The following MGAT4C variants were observed in gnomAD, a reference collection of about 807,000 sequenced individuals.
The protein encoded by MGAT4C is MGAT4 family member C.
In MGAT4C, 19 loss-of-function variants were observed where a neutral mutation model predicts 40.1. The observed-to-expected ratio is 0.47, with a 90% confidence interval of 0.33 to 0.70. MGAT4C has a LOEUF of 0.70. Among genes scored for constraint, MGAT4C ranks in the 30% least tolerant of loss-of-function variants. The pLI is 0.02. For synonymous variants in MGAT4C, 181 were observed against 187.1 expected, an observed-to-expected ratio of 0.97 and a Z score of 0.27; for missense variants, 491 against 563.2, an observed-to-expected ratio of 0.87 and a Z score of 1.30.
intron 1 of MGAT4C, among the ~76,000 whole-genome samples, chr12:86,765,669 C>T (rs1172133107): frequency 6.6e-5 from 10 of 152,130 alleles, no homozygotes; most frequent in South Asian, 2.1e-4. Flanking sequence ...GCGGATCTCT[C>T]GGCAGAAACT....
chr12:86,531,711 T>C (rs541459254), intron 2 of MGAT4C, among the ~76,000 whole-genome samples: 6 of 152,168 alleles, frequency 3.9e-5, no homozygotes, highest in Admixed American at 3.9e-4. Flanking sequence ...TTTTATTTCA[T>C]GTTTGCAGAT....
intron 1 of MGAT4C, among the ~76,000 whole-genome samples, chr12:86,836,546 G>A (rs1953039795): frequency 6.6e-6 from 1 of 152,056 alleles, no homozygotes; most frequent in African/African-American, 2.4e-5. Context: ...GGCAAAGTAA[G>A]TTTTAGTACT....
At chr12:86,516,660 C>A (rs1030235747) in intron 2 of MGAT4C, among the ~76,000 whole-genome samples, 1 of 151,748 alleles carries the variant, frequency 6.6e-6, no homozygotes, top group Non-Finnish European at 1.5e-5. Context: ...TTGAAAAATC[C>A]CATCAAAAAA....
intron 2 of MGAT4C, among the ~76,000 whole-genome samples, chr12:86,679,331 T>C (rs1370674422): frequency 6.6e-6 from 1 of 152,004 alleles, no homozygotes; most frequent in Non-Finnish European, 1.5e-5. Flanking sequence ...CTTAACACAC[T>C]AACCATCAAG....
chr12:86,562,020 A>G (rs1219142837), intron 2 of MGAT4C, among the ~76,000 whole-genome samples: 3 of 152,176 alleles, frequency 2.0e-5, no homozygotes. Context: ...TGCTCTTGAG[A>G]GGCAAGGAGT....
At chr12:86,584,809 T>C (rs951173487) in intron 2 of MGAT4C, among the ~76,000 whole-genome samples, 6 of 151,410 alleles carry the variant, frequency 4.0e-5, no homozygotes, top group South Asian at 4.1e-4. Flanking sequence ...ATTGTTTAAA[T>C]AGATTTCATT....
intron 1 of MGAT4C, among the ~76,000 whole-genome samples, chr12:86,819,041 G>T (rs1355244833): frequency 5.3e-5 from 8 of 150,770 alleles, no homozygotes; most frequent in Admixed American, 2.7e-4. Context: ...ATGCAAAATG[G>T]TATAACCACT....
At chr12:86,409,098 C>T (rs1440383572) in intron 3 of MGAT4C, among the ~76,000 whole-genome samples, 2 of 152,106 alleles carry the variant, frequency 1.3e-5, no homozygotes, top group African/African-American at 4.8e-5. Context: ...CTTTATTACA[C>T]TTCTCTGTGA....
At chr12:86,186,621 T>C (rs1053295321) in intron 1 of MGAT4C, among the ~76,000 whole-genome samples, 2 of 152,092 alleles carry the variant, frequency 1.3e-5, no homozygotes, top group Non-Finnish European at 2.9e-5. Context: ...TCTTTAATCA[T>C]GGGAGATTCA....
chr12:86,557,017 GA>G (rs1959644367), intron 2 of MGAT4C, among the ~76,000 whole-genome samples: 1 of 151,886 alleles, frequency 6.6e-6, no homozygotes, highest in African/African-American at 2.4e-5. Flanking sequence ...GTGAAAGGAG[GA>G]AAAAATGTAA....
intron 2 of MGAT4C, among the ~76,000 whole-genome samples, chr12:86,465,047 A>G (rs1957659991): frequency 6.6e-6 from 1 of 152,134 alleles, no homozygotes; most frequent in African/African-American, 2.4e-5. Flanking sequence ...ATTTATCAGA[A>G]GTCAAGTAGC....
intron 2 of MGAT4C, among the ~76,000 whole-genome samples, chr12:86,005,060 A>G (rs959966849): frequency 1.3e-5 from 2 of 152,192 alleles, no homozygotes; most frequent in African/African-American, 4.8e-5. Context: ...AAATCAGATC[A>G]CACCTCGTTA....
At chr12:86,204,997 A>T (rs181962399) in intron 1 of MGAT4C, among the ~76,000 whole-genome samples, 1 of 152,178 alleles carries the variant, frequency 6.6e-6, no homozygotes, top group South Asian at 2.1e-4. Context: ...ATTGAAAAAA[A>T]TTGCATAATG....
intron 2 of MGAT4C, among the ~76,000 whole-genome samples, chr12:86,561,313 T>G (rs964783487): frequency 1.3e-5 from 2 of 152,168 alleles, no homozygotes; most frequent in Non-Finnish European, 2.9e-5. Flanking sequence ...GGATGCAAAG[T>G]ATTGTTCCTG....
At chr12:86,364,723 T>C (rs1955555269) in intron 3 of MGAT4C, among the ~76,000 whole-genome samples, 1 of 147,688 alleles carries the variant, frequency 6.8e-6, no homozygotes, top group Non-Finnish European at 1.5e-5. Flanking sequence ...TGACATCACA[T>C]GTTGGCAGGT....
At chr12:86,471,885 TA>T (rs1380881556) in intron 2 of MGAT4C, among the ~76,000 whole-genome samples, 1 of 152,180 alleles carries the variant, frequency 6.6e-6, no homozygotes, top group Non-Finnish European at 1.5e-5. Flanking sequence ...TAGAATTCAC[TA>T]ATCTAACAAT....
At chr12:86,353,032 A>AAAAAT (rs1955207233) in intron 3 of MGAT4C, among the ~76,000 whole-genome samples, 5 of 147,302 alleles carry the variant, frequency 3.4e-5, no homozygotes, top group African/African-American at 1.2e-4. Context: ...ATAAAATAAA[A>AAAAAT]AAATAAATAA....
rs571406034 is a variant in MGAT4C, at chr12:86,509,055, T to C, written c.-228-73790A>G. The stretch of plus-strand genomic sequence containing the variant: ...AGTTTCTTTTGCTGTGCAGAAGCTC[T>C]TTAGTTTAATTAGATCCCATTTGTC... On this transcript the variant is annotated intron_variant, in intron 2 of 7. Coordinates refer to the MGAT4C transcript ENST00000548651. 2.9e-3 allele frequency among the ~76,000 whole-genome samples: 447 copies of C among 152,014 alleles called. 1 individual carries two copies. The highest frequency in any genetic ancestry group is 0.01 in the African/African-American group (432 of 41,496).
chr12:86,403,308 A>G (rs932607702), intron 3 of MGAT4C, among the ~76,000 whole-genome samples: 2 of 152,196 alleles, frequency 1.3e-5, no homozygotes, highest in Non-Finnish European at 2.9e-5. Context: ...ATGGTCTGTA[A>G]CCATGTAACG....
Sources: allele counts gnomAD v4.1 joint callset (sites outside exome capture counted in the v4.1 genomes callset), GRCh38; gene constraint gnomAD v4.1.1; transcripts MANE v1.5; gene names NCBI Gene and HGNC (gene_info 2026-07-23, HGNC 2026-07-21).